MAML2: variants seen among roughly 807,000 people sequenced by gnomAD.
MAML2 encodes mastermind like transcriptional coactivator 2.
A neutral mutation model predicts 96.1 loss-of-function variants in MAML2; 22 were observed. The observed-to-expected ratio is 0.23, with a 90% CI of 0.16 to 0.33. The LOEUF (loss-of-function observed/expected upper bound fraction) is 0.33. Among genes scored for constraint, MAML2 ranks in the 10% least tolerant of loss-of-function variants. MAML2 has a pLI of 1.00. For synonymous variants in MAML2, 561 were observed against 521.3 expected (o/e 1.08, Z -1.04); for missense variants, 1,367 against 1,392.4 (o/e 0.98, Z 0.29).
Position 96,040,069 on chromosome 11 carries a change from T to G in MAML2, c.2140-48346A>C, listed in dbSNP as rs566805678. Among the ~76,000 whole-genome samples the G allele has an allele frequency of 8.0e-4, 121 of 152,186 alleles. 1 individual carries two copies. The highest frequency in any genetic ancestry group is 2.9e-3 in the African/African-American group (119 of 41,538). On this transcript the variant is annotated intron_variant, in intron 2 of 4. Transcript: ENST00000524717. ...GCAACACAAGTCCTCAAACCGGGGT[T>G]CCCTTTAGATGTCTGAGCCTGGCCT...
At chr11:96,033,382 C>T (rs12574769) in intron 2 of MAML2, among the ~76,000 whole-genome samples, 33,361 of 152,120 alleles carry the variant, frequency 0.22, 4,527 homozygotes, top group Non-Finnish European at 0.31. Flanking sequence ...AAAATCCATG[C>T]TTTACTTGTA....
intron 1 of MAML2, among the ~76,000 whole-genome samples, chr11:96,298,251 G>A (rs547681863): frequency 1.3e-5 from 2 of 152,274 alleles, no homozygotes; most frequent in South Asian, 4.1e-4. Flanking sequence ...GTTCTGATTA[G>A]GTTAAAGTAA....
At chr11:96,006,753 T>A (rs1027269152) in intron 2 of MAML2, among the ~76,000 whole-genome samples, 14 of 150,460 alleles carry the variant, frequency 9.3e-5, no homozygotes, top group Non-Finnish European at 2.1e-4. Context: ...AGAGATGGGG[T>A]TTCACCATGT....
rs10584752 is a variant in MAML2 at position 96,245,215 on chromosome 11, C to CT, written c.513+96167dup. ...AAGTGCCTTCCGAACAGTCATCCTT[C>CT]TTTTTTTTTTTTTTTTTTTCCAAAA... On this transcript the variant is annotated intron_variant, in intron 1 of 4. Coordinates refer to ENST00000524717, the MANE Select transcript of MAML2 (RefSeq NM_032427.4). Among the ~76,000 whole-genome samples, 254 of 131,614 alleles carry CT rather than the reference C, an allele frequency of 1.9e-3. 2 individuals carry two copies. The highest frequency in any genetic ancestry group is 7.1e-3 in the South Asian group (29 of 4,082). 86.3% of individuals were successfully genotyped at this position (131,614 alleles called of 152,430 possible). A position where few individuals can be genotyped will look rare whatever the true frequency, so the allele number is the denominator to read the frequency against.
chr11:96,138,722 A>T (rs1300844061), intron 1 of MAML2, among the ~76,000 whole-genome samples: 2 of 152,014 alleles, frequency 1.3e-5, no homozygotes, highest in African/African-American at 4.8e-5. Flanking sequence ...CACCTCCGAG[A>T]CATAGTCCAG....
chr11:96,306,819 T>C (rs1412039065), intron 1 of MAML2, among the ~76,000 whole-genome samples: 11 of 152,198 alleles, frequency 7.2e-5, no homozygotes, highest in Non-Finnish European at 1.3e-4. Context: ...GGTCTTTATA[T>C]GTAAAGCAGA....
chr11:96,240,409 G>A (rs1862417231), intron 1 of MAML2, among the ~76,000 whole-genome samples: 1 of 151,100 alleles, frequency 6.6e-6, no homozygotes, highest in Non-Finnish European at 1.5e-5. Flanking sequence ...AATTAGCCGG[G>A]CGCGGTGGCG....
At chr11:96,296,576 G>A (rs1439058828) in intron 1 of MAML2, among the ~76,000 whole-genome samples, 1 of 152,082 alleles carries the variant, frequency 6.6e-6, no homozygotes, top group Non-Finnish European at 1.5e-5. Context: ...CTGGGAGGTG[G>A]AGATCGCAGT....
intron 1 of MAML2, among the ~76,000 whole-genome samples, chr11:96,205,954 T>G (rs942077808): frequency 6.6e-6 from 1 of 152,248 alleles, no homozygotes; most frequent in Non-Finnish European, 1.5e-5. Context: ...TTTTACACGT[T>G]TAAGAAGAAA....
At chr11:96,155,962 GACATA>G (rs1861005313) in intron 1 of MAML2, among the ~76,000 whole-genome samples, 1 of 152,164 alleles carries the variant, frequency 6.6e-6, no homozygotes, top group Non-Finnish European at 1.5e-5. Flanking sequence ...CAGGATCACT[GACATA>G]ACAAGCTTCT....
At chr11:96,108,353 A>G (rs992710604) in intron 1 of MAML2, among the ~76,000 whole-genome samples, 1 of 152,196 alleles carries the variant, frequency 6.6e-6, no homozygotes, top group Non-Finnish European at 1.5e-5. Context: ...ATTTTTATGT[A>G]GTCTTCGGGG....
intron 1 of MAML2, among the ~76,000 whole-genome samples, chr11:96,112,299 C>G (rs1031566802): frequency 6.6e-6 from 1 of 152,256 alleles, no homozygotes; most frequent in Non-Finnish European, 1.5e-5. Flanking sequence ...CAAAGACAGT[C>G]TGATGTCTGG....
chr11:96,110,787 C>T (rs953102351), intron 1 of MAML2, among the ~76,000 whole-genome samples: 8 of 152,140 alleles, frequency 5.3e-5, no homozygotes, highest in South Asian at 4.1e-4. Flanking sequence ...AAAATTTTGG[C>T]AGCATATATT....
At chr11:96,017,531 G>C (rs967296857) in intron 2 of MAML2, among the ~76,000 whole-genome samples, 1 of 152,096 alleles carries the variant, frequency 6.6e-6, no homozygotes, top group Non-Finnish European at 1.5e-5. Flanking sequence ...TTTAGTGTAG[G>C]AAGACAGATA....
At position 96,246,293 on chromosome 11, in the gene MAML2, A is replaced by AT. The variant is rs543301917; in HGVS notation, c.513+95089dup. Among the ~76,000 whole-genome samples, 27 of 152,234 alleles carry AT rather than the reference A, an allele frequency of 1.8e-4. No homozygotes were observed. In the South Asian group the frequency reaches 5.4e-3, roughly 30 times the overall value. ...CATATCATTCATCCCTTCAACAGGCATTTTTTGGATTCTGAAGTATAAGGA... is the reference window on the plus strand; with the variant it reads ...CATATCATTCATCCCTTCAACAGGCATTTTTTTGGATTCTGAAGTATAAGGA... On this transcript the variant is annotated intron_variant, in intron 1 of 4. Coordinates refer to ENST00000524717, the MANE Select transcript of MAML2 (RefSeq NM_032427.4).
At chr11:96,196,306 G>GT (rs35676182) in intron 1 of MAML2, among the ~76,000 whole-genome samples, 25,872 of 152,116 alleles carry the variant, frequency 0.17, 2,278 homozygotes, top group East Asian at 0.23. Context: ...TTTAGGAAAG[G>GT]TTTGTCATTT....
chr11:96,186,716 C>T (rs1240477967), intron 1 of MAML2, among the ~76,000 whole-genome samples: 2 of 152,180 alleles, frequency 1.3e-5, no homozygotes, highest in African/African-American at 4.8e-5. Context: ...TAGCATTATC[C>T]TCATTTTACA....
intron 1 of MAML2, among the ~76,000 whole-genome samples, chr11:96,266,565 C>T (rs545556969): frequency 9.3e-5 from 14 of 150,166 alleles, no homozygotes; most frequent in South Asian, 4.2e-4. Context: ...AGTGAGACTC[C>T]GTCTCAAAAA....
chr11:96,049,370 C>A (rs942438902), intron 2 of MAML2, among the ~76,000 whole-genome samples: 2 of 152,152 alleles, frequency 1.3e-5, no homozygotes, highest in Non-Finnish European at 2.9e-5. Context: ...ATTTAACTTT[C>A]TTTCCATTTC....
Sources: allele counts gnomAD v4.1 joint callset (sites outside exome capture counted in the v4.1 genomes callset), GRCh38; gene constraint gnomAD v4.1.1; transcripts MANE v1.5; gene names NCBI Gene and HGNC (gene_info 2026-07-23, HGNC 2026-07-21).